Variants in LRPPRC observed in about 807,000 individuals in gnomAD.
LRPPRC encodes leucine rich pentatricopeptide repeat containing, also known as leucine-rich PPR motif-containing protein, mitochondrial.
LRPPRC carries 120 observed loss-of-function variants against 180.3 expected under a neutral mutation model. That is an observed-to-expected ratio of 0.67 (90% CI 0.57 to 0.77). The LOEUF (loss-of-function observed/expected upper bound fraction) is 0.77, where lower values mean the gene tolerates loss of function less well. Among genes scored for constraint, LRPPRC ranks in the 30% least tolerant of loss-of-function variants. The pLI is 0.00. For missense variants in LRPPRC, 2,012 were observed against 1,657.2 expected (o/e 1.21, Z -3.72); for synonymous variants, 723 against 600.0 (o/e 1.21, Z -3.00).
At position 43,952,226 on chromosome 2, in the gene LRPPRC, C is replaced by G. The variant is rs369661835; in HGVS notation, c.1650-1626G>C. On this transcript the variant is annotated intron_variant, in intron 14 of 37. Coordinates refer to ENST00000260665, the MANE Select transcript of LRPPRC (RefSeq NM_133259.4). Reference sequence around the variant, plus strand: ...AAAAAAAAAACAACTGGATATTAAGCTGCCCTCAAACGTGGCATGAAGTAC... The same window carrying G: ...AAAAAAAAAACAACTGGATATTAAGGTGCCCTCAAACGTGGCATGAAGTAC... 3.0e-4 allele frequency among the ~76,000 whole-genome samples: 46 copies of G among 152,188 alleles called. 1 individual carries two copies. In the East Asian group the frequency reaches 6.4e-3, roughly 21 times the overall value.
chr2:43,897,207 ATCTC>A (rs528924225), intron 34 of LRPPRC, among the ~76,000 whole-genome samples: 56 of 152,286 alleles, frequency 3.7e-4, no homozygotes, highest in African/African-American at 8.2e-4. Context: ...ACTGATTTCA[ATCTC>A]TCTATTTTAT....
intron 36 of LRPPRC, 198 bp from the exon 37 acceptor site, chr2:43,890,074 T>G (rs1670431797): frequency 3.3e-6 from 2 of 609,692 alleles, no homozygotes; most frequent in Admixed American, 3.0e-5. Context: ...ATCACTCACT[T>G]TGAAGGAGAA....
intron 14 of LRPPRC, among the ~76,000 whole-genome samples, chr2:43,951,445 A>C (rs1672898101): frequency 6.6e-6 from 1 of 152,162 alleles, no homozygotes; most frequent in South Asian, 2.1e-4. Context: ...TAAGTGGTAA[A>C]ACTTGCCATG....
Position 43,946,182 on chromosome 2 carries a change from T to A in LRPPRC, c.2141A>T (p.Tyr714Phe). 6.2e-7 allele frequency: 1 copy of A among 1,611,010 alleles called. No homozygotes were observed. The highest frequency in any genetic ancestry group is 8.5e-7 in the Non-Finnish European group (1 of 1,177,370). The change falls in exon 21 of 38, where the codon TAT (tyrosine) becomes TTT (phenylalanine). Residue 714 changes from tyrosine (Y) to phenylalanine (F), a missense_variant. Transcript: ENST00000260665. ...ACAGCATAAATTTATTAAAGCTGCA[T>A]AGCCACCAGTAACCATGTCGGATTC... ...KYESDMVTGG[Y>F]AALINLCCRH...
chr2:43,919,923 T>G (rs1178578558), intron 27 of LRPPRC, among the ~76,000 whole-genome samples: 1 of 151,894 alleles, frequency 6.6e-6, no homozygotes, highest in Non-Finnish European at 1.5e-5. Flanking sequence ...TCCTCAGCAT[T>G]TTAGAGGAAA....
intron 1 of LRPPRC, among the ~76,000 whole-genome samples, chr2:43,985,776 A>G (rs78204112): frequency 6.6e-6 from 1 of 152,356 alleles, no homozygotes; most frequent in African/African-American, 2.4e-5. Context: ...AATTATGAAT[A>G]AAGCTGCTAT....
intron 23 of LRPPRC, among the ~76,000 whole-genome samples, chr2:43,939,849 T>G (rs563659702): frequency 6.6e-6 from 1 of 152,314 alleles, no homozygotes; most frequent in Non-Finnish European, 1.5e-5. Flanking sequence ...TGTCAAGTGC[T>G]TTCCAGCCAA....
chr2:43,978,115 C>A (rs1026004123), intron 3 of LRPPRC, among the ~76,000 whole-genome samples: 11 of 152,114 alleles, frequency 7.2e-5, no homozygotes, highest in African/African-American at 2.2e-4. Flanking sequence ...TAGTGGCTCA[C>A]TCAAACTTCA....
At chr2:43,924,022 G>A (rs1383604682) in intron 27 of LRPPRC, among the ~76,000 whole-genome samples, 2 of 152,114 alleles carry the variant, frequency 1.3e-5, no homozygotes, top group Non-Finnish European at 2.9e-5. Context: ...ACACTGTGAA[G>A]TATGTATTTC....
chr2:43,940,582 G>T (rs1321827274), intron 23 of LRPPRC, among the ~76,000 whole-genome samples: 2 of 152,076 alleles, frequency 1.3e-5, no homozygotes, highest in Non-Finnish European at 2.9e-5. Flanking sequence ...ATCCTTAATG[G>T]AAAGCAGAAA....
intron 1 of LRPPRC, 66 bp from the exon 2 acceptor site, chr2:43,982,500 CTT>C (rs571141775): frequency 2.4e-6 from 3 of 1,259,114 alleles, no homozygotes; most frequent in East Asian, 4.8e-5. Context: ...TTGAACAAAA[CTT>C]AAACAAATTT....
At chr2:43,912,652 T>G (rs985091464) in intron 29 of LRPPRC, 94 bp from the exon 30 acceptor site, 13 of 1,070,132 alleles carry the variant, frequency 1.2e-5, no homozygotes, top group Non-Finnish European at 1.8e-5. Context: ...TAAACCCAAA[T>G]ATTTTTGCTT....
At chr2:43,942,490 G>C (rs1434330458) in intron 23 of LRPPRC, among the ~76,000 whole-genome samples, 1 of 152,104 alleles carries the variant, frequency 6.6e-6, no homozygotes. Context: ...GATTTGACCA[G>C]TCATCTAACC....
chr2:43,926,597 C>T (rs969955927), intron 25 of LRPPRC, among the ~76,000 whole-genome samples: 1 of 152,110 alleles, frequency 6.6e-6, no homozygotes, highest in Non-Finnish European at 1.5e-5. Context: ...GAACTCCTAG[C>T]CTCAAGTGAT....
intron 23 of LRPPRC, among the ~76,000 whole-genome samples, chr2:43,936,721 C>T (rs1672291624): frequency 6.6e-6 from 1 of 152,068 alleles, no homozygotes; most frequent in Non-Finnish European, 1.5e-5. Context: ...CCTTACTAAG[C>T]CCTGTTTACA....
intron 8 of LRPPRC, 71 bp from the exon 9 acceptor site, chr2:43,974,366 A>C: frequency 8.8e-7 from 1 of 1,141,500 alleles, no homozygotes; most frequent in Non-Finnish European, 1.3e-6. Context: ...CAATGTTCCA[A>C]TACTGAAGAC....
chr2:43,891,082 G>A (rs144923593), intron 36 of LRPPRC, among the ~76,000 whole-genome samples: 86 of 152,328 alleles, frequency 5.6e-4, no homozygotes, highest in African/African-American at 1.9e-3. Flanking sequence ...TCAGCTCTTA[G>A]TGGAGTTGGA....
intron 1 of LRPPRC, among the ~76,000 whole-genome samples, chr2:43,992,857 C>T (rs1026698505): frequency 5.9e-5 from 9 of 152,108 alleles, no homozygotes; most frequent in African/African-American, 2.2e-4. Flanking sequence ...ATAGTTCAAG[C>T]AGGTGGATGT....
intron 16 of LRPPRC, among the ~76,000 whole-genome samples, chr2:43,948,880 TG>T (rs976530222): frequency 1.7e-4 from 26 of 151,944 alleles, no homozygotes; most frequent in African/African-American, 5.1e-4. Context: ...ATTTCTATAC[TG>T]TTTTTTTTTT....
Sources: gnomAD v4.1 joint callset for allele counts (sites outside exome capture counted in the v4.1 genomes callset) on GRCh38, gnomAD v4.1.1 for gene constraint, MANE v1.5 for transcripts, NCBI Gene and HGNC (gene_info 2026-07-23, HGNC 2026-07-21) for gene names.